SUPT3H: variants seen among roughly 807,000 people sequenced by gnomAD.
SUPT3H encodes the protein transcription initiation protein SPT3 homolog.
A neutral mutation model predicts 44.3 loss-of-function variants in SUPT3H; 44 were observed. The ratio of observed to expected loss-of-function variants is 0.99; its 90% confidence interval spans 0.78 to 1.28. The LOEUF (loss-of-function observed/expected upper bound fraction) is 1.28. Ranked by LOEUF, SUPT3H falls within the 50% of genes most tolerant of loss-of-function variation. The probability of loss-of-function intolerance (pLI) is 0.00; values close to 1 mark genes in which losing one functional copy is unlikely to be tolerated. For missense variants in SUPT3H, 380 were observed against 387.1 expected (o/e 0.98, Z 0.15); for synonymous variants, 124 against 125.6 (o/e 0.99, Z 0.09).
intron 10 of SUPT3H, among the ~76,000 whole-genome samples, chr6:44,930,225 C>T (rs2153460628): frequency 6.6e-6 from 1 of 152,042 alleles, no homozygotes; most frequent in East Asian, 1.9e-4. Flanking sequence ...AAAAAACACA[C>T]ACAAAATTAG....
chr6:45,090,657 C>T (rs571582484), intron 3 of SUPT3H, among the ~76,000 whole-genome samples: 2 of 151,836 alleles, frequency 1.3e-5, no homozygotes, highest in African/African-American at 4.8e-5. Flanking sequence ...CTCATTGAAA[C>T]CGTATTCTTA....
intron 2 of SUPT3H, among the ~76,000 whole-genome samples, chr6:45,228,496 A>T (rs898407467): frequency 6.6e-6 from 1 of 152,120 alleles, no homozygotes; most frequent in Admixed American, 6.6e-5. Flanking sequence ...TAGCCTTCAG[A>T]TTCAAATTGG....
chr6:44,927,568 T>G (rs981588516), intron 10 of SUPT3H, among the ~76,000 whole-genome samples: 1 of 152,224 alleles, frequency 6.6e-6, no homozygotes, highest in South Asian at 2.1e-4. Flanking sequence ...GTTCTTTAGA[T>G]TTCTGTTCCA....
At chr6:45,070,081 G>C (rs1465439117) in intron 3 of SUPT3H, among the ~76,000 whole-genome samples, 3 of 152,144 alleles carry the variant, frequency 2.0e-5, no homozygotes, top group Admixed American at 6.5e-5. Flanking sequence ...ACTTCTATCA[G>C]AGTCTGCTTT....
intron 10 of SUPT3H, among the ~76,000 whole-genome samples, chr6:44,884,142 A>G (rs1778729284): frequency 6.6e-6 from 1 of 152,222 alleles, no homozygotes; most frequent in Admixed American, 6.5e-5. Context: ...AGAATCTACA[A>G]GGAACTTAAA....
intron 2 of SUPT3H, among the ~76,000 whole-genome samples, chr6:45,172,883 C>A (rs1811062653): frequency 6.6e-6 from 1 of 152,196 alleles, no homozygotes; most frequent in African/African-American, 2.4e-5. Context: ...AGCCACCACA[C>A]CCGGCCCAGA....
At chr6:45,099,243 C>A (rs567981345) in intron 3 of SUPT3H, 9 of 195,300 alleles carry the variant, frequency 4.6e-5, no homozygotes, top group East Asian at 3.4e-4. Context: ...GGAGCTCATG[C>A]CAGAAAACAT....
chr6:44,929,634 A>G (rs1160695849), intron 10 of SUPT3H, among the ~76,000 whole-genome samples: 1 of 152,172 alleles, frequency 6.6e-6, no homozygotes, highest in East Asian at 1.9e-4. Context: ...TTCTCTTGTT[A>G]GGAGCTGCAG....
intron 2 of SUPT3H, among the ~76,000 whole-genome samples, chr6:45,310,379 G>A (rs1325922643): frequency 6.6e-6 from 1 of 152,066 alleles, no homozygotes; most frequent in African/African-American, 2.4e-5. Flanking sequence ...ATACAATCCT[G>A]GGAGTTCTAG....
intron 3 of SUPT3H, among the ~76,000 whole-genome samples, chr6:45,084,954 C>T (rs566398763): frequency 1.3e-5 from 2 of 151,970 alleles, no homozygotes; most frequent in African/African-American, 4.8e-5. Context: ...ACACTGGGAA[C>T]TATAGGAGGT....
chr6:44,843,493 C>A (rs913271311), intron 10 of SUPT3H, among the ~76,000 whole-genome samples: 1 of 151,976 alleles, frequency 6.6e-6, no homozygotes, highest in Non-Finnish European at 1.5e-5. Flanking sequence ...ATAGAAAATA[C>A]CAAAGAATCT....
intron 6 of SUPT3H, among the ~76,000 whole-genome samples, chr6:44,989,207 A>G (rs1780260227): frequency 6.6e-6 from 1 of 152,148 alleles, no homozygotes; most frequent in Non-Finnish European, 1.5e-5. Context: ...CTTTGGTTAC[A>G]CTGCATGTAT....
At chr6:44,936,727 G>A (rs1771492152) in intron 9 of SUPT3H, among the ~76,000 whole-genome samples, 1 of 152,092 alleles carries the variant, frequency 6.6e-6, no homozygotes, top group African/African-American at 2.4e-5. Context: ...GAGTACAGTG[G>A]TGCGATCTTG....
intron 2 of SUPT3H, among the ~76,000 whole-genome samples, chr6:45,228,268 T>C (rs1392517256): frequency 6.6e-6 from 1 of 152,196 alleles, no homozygotes; most frequent in East Asian, 1.9e-4. Flanking sequence ...GGGATGAGAT[T>C]AACATTTAAA....
chr6:45,234,530 CA>C (rs10713328), intron 2 of SUPT3H, among the ~76,000 whole-genome samples: 86,384 of 126,640 alleles, frequency 0.68, 27,953 homozygotes, highest in South Asian at 0.75. Context: ...GACGCTGTCA[CA>C]AAAAAAAAAA....
At chr6:45,224,330 G>A (rs1482523985) in intron 2 of SUPT3H, among the ~76,000 whole-genome samples, 1 of 152,050 alleles carries the variant, frequency 6.6e-6, no homozygotes, top group East Asian at 1.9e-4. Flanking sequence ...TTCATGGTTT[G>A]AGCAGAACAA....
intron 9 of SUPT3H, among the ~76,000 whole-genome samples, chr6:44,939,974 T>A (rs138897829): frequency 6.6e-6 from 1 of 152,086 alleles, no homozygotes; most frequent in African/African-American, 2.4e-5. Flanking sequence ...AATTTACCAA[T>A]TTTGTTTATC....
rs115900421 is a variant in SUPT3H, at chr6:45,124,004, T to A, written c.102-17998A>T. Among the ~76,000 whole-genome samples the A allele has an allele frequency of 3.8e-3, 573 of 152,298 alleles. 7 individuals carry two copies. The highest frequency in any genetic ancestry group is 0.013 in the African/African-American group (529 of 41,562). On this transcript the variant is annotated intron_variant, in intron 2 of 10. Transcript: ENST00000371459. ...TGCTGAACAAAAACAGGGAGCTATG[T>A]TGATTTCGCCTTCAAGCCACAGTTT...
chr6:45,084,406 G>A (rs927975255), intron 3 of SUPT3H, among the ~76,000 whole-genome samples: 10 of 152,020 alleles, frequency 6.6e-5, no homozygotes, highest in East Asian at 3.8e-4. Flanking sequence ...CATATCATTC[G>A]TCATCAGAGA....
Sources: gnomAD v4.1 joint callset for allele counts (sites outside exome capture counted in the v4.1 genomes callset) on GRCh38, gnomAD v4.1.1 for gene constraint, MANE v1.5 for transcripts, NCBI Gene and HGNC (gene_info 2026-07-23, HGNC 2026-07-21) for gene names.